HMCN1: variants seen among roughly 807,000 people sequenced by gnomAD.
The protein encoded by HMCN1 is hemicentin-1.
A neutral mutation model predicts 625.9 loss-of-function variants in HMCN1; 321 were observed. That is an observed-to-expected ratio of 0.51 (90% CI 0.47 to 0.56). The LOEUF (loss-of-function observed/expected upper bound fraction) is 0.56, where lower values mean the gene tolerates loss of function less well. Among genes scored for constraint, HMCN1 ranks in the 20% least tolerant of loss-of-function variants. HMCN1 has a pLI of 0.00. For synonymous variants in HMCN1, 2,425 were observed against 2,417.6 expected (o/e 1.00, Z -0.09); for missense variants, 6,588 against 6,887.3 (o/e 0.96, Z 1.54).
chr1:186,163,289 G>A (rs936440851), intron 97 of HMCN1, among the ~76,000 whole-genome samples: 8 of 152,142 alleles, frequency 5.3e-5, no homozygotes, highest in African/African-American at 1.7e-4. Flanking sequence ...GGAGTGACCC[G>A]ATTTTCCAGG....
chr1:185,775,566 G>T (rs1386027840), intron 1 of HMCN1, among the ~76,000 whole-genome samples: 1 of 152,210 alleles, frequency 6.6e-6, no homozygotes, highest in Non-Finnish European at 1.5e-5. Flanking sequence ...GGCTCCTATG[G>T]TTTGGGAGGA....
intron 24 of HMCN1, among the ~76,000 whole-genome samples, chr1:185,997,135 G>T (rs1652847125): frequency 1.3e-5 from 2 of 152,100 alleles, no homozygotes; most frequent in African/African-American, 4.8e-5. Context: ...TGGAGGTCAA[G>T]CTTAAGGGAG....
At chr1:186,117,329 G>A in intron 76 of HMCN1, 130 bp from the exon 77 acceptor site, 1 of 1,207,944 alleles carries the variant, frequency 8.3e-7, no homozygotes, top group East Asian at 2.5e-5. Context: ...GAAATAAAAG[G>A]AGGAATCCCT....
rs536404500 is a variant in HMCN1 at position 186,115,303 on chromosome 1, T to G, written c.11450T>G (p.Val3817Gly). The G allele has an allele frequency of 9.3e-6, 15 of 1,614,042 alleles. No individual in the cohort carries two copies. In the East Asian group the frequency reaches 2.9e-4, roughly 31 times the overall value. The change falls in exon 75 of 107, where the codon GTA becomes GGA. Residue 3817 changes from valine (V) to glycine (G), a missense_variant. By Grantham distance (109) the Val-to-Gly change is moderately radical (BLOSUM62 -3). Transcript: ENST00000271588. ...APGPTNMTVI[V>G]NVQTTLACEA... ...GGTCCTACCAACATGACTGTAATAG[T>G]AAATGTTCAAACTACTCTGGCTTGT...
intron 6 of HMCN1, among the ~76,000 whole-genome samples, chr1:185,921,543 G>A (rs1220403765): frequency 6.6e-6 from 1 of 152,142 alleles, no homozygotes; most frequent in Non-Finnish European, 1.5e-5. Context: ...TATACTTCCA[G>A]TGCATTCTGT....
chr1:186,046,489 A>G (rs1351000762), intron 41 of HMCN1, among the ~76,000 whole-genome samples: 1 of 152,082 alleles, frequency 6.6e-6, no homozygotes, highest in African/African-American at 2.4e-5. Context: ...AAAAAATGCA[A>G]AAGAGCATGA....
intron 103 of HMCN1, among the ~76,000 whole-genome samples, chr1:186,178,053 C>T (rs1015199091): frequency 6.6e-6 from 1 of 152,110 alleles, no homozygotes; most frequent in Non-Finnish European, 1.5e-5. Context: ...ATCAAGGAGA[C>T]AAGGCTGAAA....
Position 186,063,327 on chromosome 1 carries a change from A to G in HMCN1, c.7513+727A>G, listed in dbSNP as rs1392995554. Among the ~76,000 whole-genome samples the G allele has an allele frequency of 2.0e-5, 3 of 150,854 alleles. No homozygotes were observed. The East Asian group carries it at 5.9e-4, about 30-fold the overall frequency. On this transcript the variant is annotated intron_variant, in intron 48 of 106. Coordinates refer to ENST00000271588, the MANE Select transcript of HMCN1 (RefSeq NM_031935.3). The stretch of plus-strand genomic sequence containing the variant: ...TAAATTCTAGTCCAGTATAGCTGGT[A>G]GAAATGTAGGAGGAAACCTTTCAAA...
intron 1 of HMCN1, among the ~76,000 whole-genome samples, chr1:185,761,064 G>C (rs1003011095): frequency 6.6e-6 from 1 of 152,074 alleles, no homozygotes. Flanking sequence ...CAAGGAGCTG[G>C]GAAAAGTTTC....
At chr1:186,072,065 C>T (rs1658511092) in intron 52 of HMCN1, among the ~76,000 whole-genome samples, 1 of 152,086 alleles carries the variant, frequency 6.6e-6, no homozygotes. Context: ...TTGAAATTGA[C>T]CCAATTATGA....
chr1:185,755,109 C>T (rs1406420336), intron 1 of HMCN1, among the ~76,000 whole-genome samples: 1 of 152,060 alleles, frequency 6.6e-6, no homozygotes, highest in Admixed American at 6.5e-5. Context: ...TATTCAAATC[C>T]ATATTTCTAA....
chr1:186,185,768 A>C (rs1382471746), intron 105 of HMCN1, among the ~76,000 whole-genome samples: 1 of 152,198 alleles, frequency 6.6e-6, no homozygotes, highest in Non-Finnish European at 1.5e-5. Context: ...ATTATGTACT[A>C]CTGTACAATG....
chr1:186,067,829 T>C lies in HMCN1; in HGVS notation c.7706-5T>C. 6.2e-7 allele frequency: 1 copy of C among 1,603,388 alleles called. No homozygotes were observed. The highest frequency in any genetic ancestry group is 8.5e-7 in the Non-Finnish European group (1 of 1,170,386). ...ATTTCTTCAACAAATTTTCATCTTT[T>C]TCAGTATCTCCTACAATTGCTGGTG... On this transcript the variant is annotated splice_polypyrimidine_tract_variant and splice_region_variant and intron_variant, in intron 49 of 106. Coordinates refer to ENST00000271588, the MANE Select transcript of HMCN1 (RefSeq NM_031935.3).
Position 186,016,258 on chromosome 1 carries a change from G to C in HMCN1, c.5191+19G>C, listed in dbSNP as rs1056444129. 1.2e-6 allele frequency: 2 copies of C among 1,608,106 alleles called. No individual in the cohort carries two copies. Among genetic ancestry groups the C allele is most frequent in the Non-Finnish European group, 1.7e-6 (2 of 1,175,300 alleles). On this transcript the variant is annotated intron_variant, in intron 32 of 106. Coordinates refer to ENST00000271588, the MANE Select transcript of HMCN1 (RefSeq NM_031935.3). ...GTCTTGGGTAAATAAGGATGCCACT[G>C]CCTGGGTTCTCAGATTCATAGCAAA...
intron 33 of HMCN1, 41 bp from the exon 34 acceptor site, chr1:186,018,142 T>A (rs749675275): frequency 6.6e-7 from 1 of 1,526,268 alleles, no homozygotes; most frequent in South Asian, 1.1e-5. Context: ...TATGATTTAC[T>A]TAAAATATTT....
intron 55 of HMCN1, among the ~76,000 whole-genome samples, chr1:186,079,678 G>T (rs902771921): frequency 2.6e-5 from 4 of 152,122 alleles, no homozygotes; most frequent in Non-Finnish European, 5.9e-5. Context: ...TGATAATATA[G>T]GTAGGGAAAG....
chr1:185,925,554 T>C (rs763975916), intron 9 of HMCN1, among the ~76,000 whole-genome samples: 1 of 152,238 alleles, frequency 6.6e-6, no homozygotes, highest in South Asian at 2.1e-4. Flanking sequence ...TGAGAGGTCC[T>C]GAAGCTTTAG....
chr1:185,909,536 A>G, intron 5 of HMCN1, 28 bp downstream of exon 5: 9 of 1,566,792 alleles, frequency 5.7e-6, no homozygotes, highest in Non-Finnish European at 7.9e-6. Flanking sequence ...TCACATAATA[A>G]AATACAAAAT....
At position 186,043,779 on chromosome 1, in the gene HMCN1, C is replaced by T. The variant is rs184562384; in HGVS notation, c.6305-1909C>T. On this transcript the variant is annotated intron_variant, in intron 40 of 106. Transcript: ENST00000271588. ...TTTTCATGGCATCTTTAGAAAGTGG[C>T]ACTAATTAGGCCAGGTGCAGTGGCT... is the stretch of plus-strand genomic sequence containing the variant. 1.8e-3 allele frequency among the ~76,000 whole-genome samples: 270 copies of T among 152,152 alleles called. 2 individuals are homozygous for T. Among genetic ancestry groups the T allele is most frequent in the Middle Eastern group, 6.8e-3 (2 of 294 alleles).
Sources: allele counts gnomAD v4.1 joint callset (sites outside exome capture counted in the v4.1 genomes callset), GRCh38; gene constraint gnomAD v4.1.1; transcripts MANE v1.5; gene names NCBI Gene and HGNC (gene_info 2026-07-23, HGNC 2026-07-21).